Variants in PSMF1 observed in about 807,000 individuals in gnomAD.
PSMF1 encodes proteasome inhibitor subunit 1.
A neutral mutation model predicts 29.3 loss-of-function variants in PSMF1; 30 were observed. That is an observed-to-expected ratio of 1.02 (90% CI 0.77 to 1.39). The LOEUF (loss-of-function observed/expected upper bound fraction) is 1.39. Ranked by LOEUF, PSMF1 falls within the 40% of genes most tolerant of loss-of-function variation. The pLI is 0.00. For synonymous variants in PSMF1, 134 were observed against 139.7 expected (o/e 0.96, Z 0.29); for missense variants, 344 against 357.5 (o/e 0.96, Z 0.31).
At chr20:1,130,500 C>T (rs1354527730) in intron 3 of PSMF1, among the ~76,000 whole-genome samples, 1 of 152,196 alleles carries the variant, frequency 6.6e-6, no homozygotes, top group East Asian at 1.9e-4. Flanking sequence ...CAGACCTCTT[C>T]CCTCTGTCTA....
At chr20:1,137,839 C>G (rs960772680) in intron 4 of PSMF1, among the ~76,000 whole-genome samples, 3 of 152,086 alleles carry the variant, frequency 2.0e-5, no homozygotes, top group African/African-American at 7.2e-5. Context: ...AAGTCTTTAT[C>G]TGTTAGAGAT....
chr20:1,135,125 T>C lies in PSMF1; in HGVS notation c.370T>C (p.Tyr124His). The change falls in exon 4 of 7, where the codon TAC becomes CAC. Residue 124 changes from tyrosine (Y) to histidine (H), a missense_variant. Coordinates refer to ENST00000335877, the MANE Select transcript of PSMF1 (RefSeq NM_006814.5). ...CTCTTCATCTGCTTCCTGCAGGACCTACAAGAACAGTGAGGAGCTTCGGTC... is the reference window on the plus strand; with the variant it reads ...CTCTTCATCTGCTTCCTGCAGGACCCACAAGAACAGTGAGGAGCTTCGGTC... ...AEHLGDFHRT[Y>H]KNSEELRSRI... The C allele has an allele frequency of 6.2e-7, 1 of 1,614,144 alleles. No individual in the cohort carries two copies. The highest frequency in any genetic ancestry group is 8.5e-7 in the Non-Finnish European group (1 of 1,180,024).
intron 2 of PSMF1, 92 bp downstream of exon 2, chr20:1,125,742 A>G (rs1027790355): frequency 1.0e-4 from 154 of 1,466,924 alleles, no homozygotes; most frequent in East Asian, 7.9e-4. Flanking sequence ...CAGAGCTTCA[A>G]TGTTCATGTA....
At chr20:1,127,233 G>A (rs2122474314) in intron 2 of PSMF1, 193 bp from the exon 3 acceptor site, 1 of 751,464 alleles carries the variant, frequency 1.3e-6, no homozygotes, top group East Asian at 2.4e-5. Flanking sequence ...TCTCTGCCTT[G>A]GAAAGGCAAT....
rs761718910 is a variant in PSMF1, at chr20:1,127,475, A to T, written c.332A>T (p.Tyr111Phe). Residue 111 changes from tyrosine to phenylalanine, a missense_variant, in exon 3 of 7, where the codon TAT (tyrosine) becomes TTT (phenylalanine). Tyr to Phe is a conservative substitution (Grantham distance 22). Transcript: ENST00000335877. The part of the protein sequence containing the change: ...VADLTLNLDD[Y>F]IDAEHLGDFH... ...GACTTGACCCTGAACTTGGATGATT[A>T]TATCGATGCAGAACACCTGGGTGAC... The T allele has an allele frequency of 5.6e-6, 9 of 1,608,466 alleles. No homozygotes were observed. Among genetic ancestry groups the T allele is most frequent in the Non-Finnish European group, 7.7e-6 (9 of 1,174,878 alleles).
rs1005889987 is a variant in PSMF1, at chr20:1,163,607, G to C, written c.605+424G>C. 3.9e-5 allele frequency among the ~76,000 whole-genome samples: 6 copies of C among 152,356 alleles called. No individual in the cohort carries two copies. The highest frequency in any genetic ancestry group is 1.4e-4 in the African/African-American group (6 of 41,582). On this transcript the variant is annotated intron_variant, in intron 5 of 6. Coordinates refer to ENST00000335877, the MANE Select transcript of PSMF1 (RefSeq NM_006814.5). This position sits in a 1 kb window ranked among gnomAD's most constrained non-coding sequence, Gnocchi z 6.1. ...GTTACTACAGCCTCTGCTATCCACTGTCTTCCCTGAATGATTCCAAATAGA... is the reference window on the plus strand; with the variant it reads ...GTTACTACAGCCTCTGCTATCCACTCTCTTCCCTGAATGATTCCAAATAGA...
At position 1,127,454 on chromosome 20, in the gene PSMF1, T is replaced by G. The variant is rs1163466673; in HGVS notation, c.311T>G (p.Leu104Trp). The change falls in exon 3 of 7, where the codon TTG becomes TGG. Residue 104 changes from leucine (L) to tryptophan (W), a missense_variant. Transcript: ENST00000335877. ...LEYGSQQVAD[L>W]TLNLDDYIDA... The stretch of plus-strand genomic sequence containing the variant: ...TATGGCTCACAGCAAGTGGCAGACT[T>G]GACCCTGAACTTGGATGATTATATC... 12 of 1,608,632 alleles carry G rather than the reference T, an allele frequency of 7.5e-6. No individual in the cohort carries two copies. The highest frequency in any genetic ancestry group is 1.3e-5 in the African/African-American group (1 of 74,826).
chr20:1,166,077 C>G lies in PSMF1; in HGVS notation c.*997C>G. 2.6e-6 allele frequency: 4 copies of G among 1,516,180 alleles called. No homozygotes were observed. The highest frequency in any genetic ancestry group is 2.1e-5 in the Admixed American group (1 of 48,540). The allele number at this position is 1,516,180 out of a possible 1,614,324, so 93.9% of individuals were successfully genotyped here. Reference sequence around the variant, plus strand: ...TGAACCTTGTGTGGTTCTTGCCTAACTCTGTGGTTTTTGGACCCCATGGGG... The same window carrying G: ...TGAACCTTGTGTGGTTCTTGCCTAAGTCTGTGGTTTTTGGACCCCATGGGG... On this transcript the variant is annotated 3_prime_UTR_variant, in exon 7 of 7. Transcript: ENST00000335877.
chr20:1,132,120 G>A (rs945701842), intron 3 of PSMF1, among the ~76,000 whole-genome samples: 7 of 152,030 alleles, frequency 4.6e-5, no homozygotes, highest in African/African-American at 1.7e-4. Context: ...TGATCTCTAT[G>A]TCTCTTCCTC....
At chr20:1,144,834 C>T (rs2086429040) in intron 4 of PSMF1, among the ~76,000 whole-genome samples, 2 of 152,158 alleles carry the variant, frequency 1.3e-5, no homozygotes, top group Non-Finnish European at 2.9e-5. Flanking sequence ...GGTGGTTTAA[C>T]TATTAGAGGA....
intron 1 of PSMF1, among the ~76,000 whole-genome samples, chr20:1,122,295 CTTTTTTT>C (rs144183769): frequency 9.1e-5 from 12 of 131,626 alleles, no homozygotes; most frequent in Admixed American, 1.5e-4. Flanking sequence ...TTTTTCTTTT[CTTTTTTT>C]TTTTTTTTTT....
intron 4 of PSMF1, among the ~76,000 whole-genome samples, chr20:1,138,746 A>G (rs1231521215): frequency 6.6e-6 from 1 of 151,826 alleles, no homozygotes; most frequent in Non-Finnish European, 1.5e-5. Context: ...GGTCACTTCA[A>G]CCTGGGAGGT....
At chr20:1,160,298 C>G (rs2086650538) in intron 4 of PSMF1, among the ~76,000 whole-genome samples, 1 of 152,238 alleles carries the variant, frequency 6.6e-6, no homozygotes, top group Middle Eastern at 3.4e-3. Context: ...TTCTCCACAT[C>G]ATTTTTAAAA....
In PSMF1 at chr20:1,169,168, A is replaced by G. The variant is rs2086765294; in HGVS notation, c.*4088A>G. 6.6e-6 allele frequency among the ~76,000 whole-genome samples: 1 copy of G among 152,126 alleles called. No homozygotes were observed. Among genetic ancestry groups the G allele is most frequent in the Non-Finnish European group, 1.5e-5 (1 of 68,036 alleles). On this transcript the variant is annotated 3_prime_UTR_variant, in exon 7 of 7. Coordinates refer to ENST00000335877, the MANE Select transcript of PSMF1 (RefSeq NM_006814.5). ...AACCCCAGGACTAATGCGTCACTGC[A>G]TTAACCCCAGGACACATGGACCAAG...
At chr20:1,141,521 T>G (rs866369829) in intron 4 of PSMF1, among the ~76,000 whole-genome samples, 23 of 152,170 alleles carry the variant, frequency 1.5e-4, no homozygotes, top group African/African-American at 5.1e-4. Flanking sequence ...AAGAGTGGTT[T>G]GTTAGTACCT....
At chr20:1,116,276 G>A (rs552001365), upstream of PSMF1, among the ~76,000 whole-genome samples, 1 of 151,784 alleles carries the variant, frequency 6.6e-6, no homozygotes, top group Non-Finnish European at 1.5e-5. Context: ...GCAAGCAAAA[G>A]CAGGGAAGAC....
intron 4 of PSMF1, among the ~76,000 whole-genome samples, chr20:1,137,369 T>A (rs184745169): frequency 6.6e-6 from 1 of 152,296 alleles, no homozygotes; most frequent in Admixed American, 6.5e-5. Flanking sequence ...ATTAGGTGGA[T>A]CTGGCGAGTA....
At chr20:1,151,566 C>A (rs1045923873) in intron 4 of PSMF1, among the ~76,000 whole-genome samples, 7 of 152,164 alleles carry the variant, frequency 4.6e-5, no homozygotes, top group African/African-American at 1.7e-4. Flanking sequence ...GTCTTATGCC[C>A]AAATCAATCT....
At chr20:1,125,378 T>C (rs2086140981) in intron 1 of PSMF1, 120 bp from the exon 2 acceptor site, 2 of 1,125,846 alleles carry the variant, frequency 1.8e-6, no homozygotes, top group East Asian at 5.3e-5. Context: ...GTCATTTCTC[T>C]TGACCTCCAC....
Sources: allele counts gnomAD v4.1 joint callset (sites outside exome capture counted in the v4.1 genomes callset), GRCh38; gene constraint gnomAD v4.1.1; non-coding constraint Gnocchi (gnomAD v3.1); transcripts MANE v1.5; gene names NCBI Gene and HGNC (gene_info 2026-07-23, HGNC 2026-07-21).